Variants in PDGFRB observed in about 807,000 individuals in gnomAD.
PDGFRB encodes the protein platelet derived growth factor receptor beta.
A neutral mutation model predicts 120.2 loss-of-function variants in PDGFRB; 42 were observed. The ratio of observed to expected loss-of-function variants is 0.35; its 90% CI spans 0.27 to 0.45. The LOEUF (loss-of-function observed/expected upper bound fraction) is 0.45. Among genes scored for constraint, PDGFRB ranks in the 20% least tolerant of loss-of-function variants. The probability of loss-of-function intolerance (pLI) is 1.00; values close to 1 mark genes in which losing one functional copy is unlikely to be tolerated. For synonymous variants in PDGFRB, 586 were observed against 606.8 expected (o/e 0.97, Z 0.50); for missense variants, 1,149 against 1,476.3 (o/e 0.78, Z 3.63).
At chr5:150,148,171 A>G (rs1032767149) in intron 1 of PDGFRB, among the ~76,000 whole-genome samples, 1 of 152,232 alleles carries the variant, frequency 6.6e-6, no homozygotes, top group African/African-American at 2.4e-5. Context: ...GGCCAGACCC[A>G]TCTAATCACC....
At chr5:150,135,942 C>A (rs1050474452) in intron 2 of PDGFRB, 64 bp from the exon 3 acceptor site, 1 of 1,240,668 alleles carries the variant, frequency 8.1e-7, no homozygotes, top group Non-Finnish European at 1.1e-6. Flanking sequence ...CAAGGCTGAG[C>A]CTGCGAGGAG....
In PDGFRB at chr5:150,120,279, A is replaced by G; in HGVS notation, c.2587-156T>C. ...CTGGTCTCTGCGCAGCACAGTTCCC[A>G]TGTCCATCCCAGGGCTGGTCAGAGG... is the stretch of plus-strand genomic sequence containing the variant. On this transcript the variant is annotated intron_variant, in intron 18 of 22. Transcript: ENST00000261799. This position sits in a 1 kb window ranked among gnomAD's most constrained non-coding sequence, Gnocchi z 4.3. Among the ~76,000 whole-genome samples the G allele has an allele frequency of 6.6e-6, 1 of 152,094 alleles. No individual in the cohort carries two copies. Among genetic ancestry groups the G allele is most frequent in the East Asian group, 1.9e-4 (1 of 5,184 alleles).
chr5:150,151,204 A>G (rs982692915), intron 1 of PDGFRB, among the ~76,000 whole-genome samples: 4 of 152,202 alleles, frequency 2.6e-5, no homozygotes, highest in African/African-American at 9.6e-5. Flanking sequence ...GCAGCTGCCA[A>G]TCTGGGCTGG....
rs895002767 is a variant in PDGFRB, at chr5:150,132,722, G to A, written c.1127+28C>T. Reference sequence around the variant, plus strand: ...CGGCTGCAAAGAAAAATAACTTCAAGAATGGGATGGGAGAGCGAGCTGCTC... The same window carrying A: ...CGGCTGCAAAGAAAAATAACTTCAAAAATGGGATGGGAGAGCGAGCTGCTC... On this transcript the variant is annotated intron_variant, in intron 7 of 22. Transcript: ENST00000261799. This position sits in a 1 kb window ranked among gnomAD's most constrained non-coding sequence, Gnocchi z 5.0. 14 of 1,596,116 alleles carry A rather than the reference G, an allele frequency of 8.8e-6. No individual in the cohort carries two copies. The African/African-American group carries it at 1.6e-4, about 18-fold the overall frequency.
rs753622898 is a variant in PDGFRB, at chr5:150,123,167, G to A, written c.2058C>T (p.Tyr686=). The change falls in exon 15 of 23, where the codon TAC becomes TAT. Residue 686 remains tyrosine (Y), a synonymous_variant. Transcript: ENST00000261799. The stretch of plus-strand genomic sequence containing the variant: ...GGTGCAGGTAGTCCACCAGGTCTCC[G>A]TAGCGGCAGTACTCAGTGATGATAT... ...PIYIITEYCR[Y]GDLVDYLHRN... 3.9e-5 allele frequency: 63 copies of A among 1,613,684 alleles called. No homozygotes were observed. Among genetic ancestry groups the A allele is most frequent in the Admixed American group, 3.2e-4 (19 of 60,030 alleles).
At chr5:150,147,771 T>C (rs950017375) in intron 1 of PDGFRB, among the ~76,000 whole-genome samples, 2 of 152,132 alleles carry the variant, frequency 1.3e-5, no homozygotes, top group African/African-American at 2.4e-5. Flanking sequence ...GTGCCTCAGT[T>C]TTCTCATCTG....
intron 19 of PDGFRB, among the ~76,000 whole-genome samples, 183 bp from the exon 20 acceptor site, chr5:150,119,749 T>C (rs1004889573): frequency 6.6e-6 from 1 of 152,182 alleles, no homozygotes; most frequent in African/African-American, 2.4e-5. Flanking sequence ...CTCCCCAGGA[T>C]AGACAGCCAG....
At chr5:150,115,974 G>T in intron 22 of PDGFRB, 28 bp from the exon 23 acceptor site, 2 of 1,544,994 alleles carry the variant, frequency 1.3e-6, no homozygotes, top group Non-Finnish European at 1.7e-6. Context: ...TGAGTGAGGG[G>T]CTAGGAAGGA....
Position 150,126,614 on chromosome 5 carries a change from G to T in PDGFRB, c.1580C>A (p.Ser527Tyr), listed in dbSNP as rs1760301948. The change falls in exon 11 of 23, where the codon TCC (serine) becomes TAC (tyrosine). Residue 527 changes from serine (S) to tyrosine (Y), a missense_variant and splice_region_variant. Coordinates refer to ENST00000261799, the MANE Select transcript of PDGFRB (RefSeq NM_002609.4). ...DTQEVIVVPH[S>Y]LPFKVVVISA... The stretch of plus-strand genomic sequence containing the variant: ...GATCACCACCACCTTAAAGGGCAAG[G>T]CTGGAGGCAGAGATGAGAGCAGGCC... 1 of 1,580,134 alleles carries T rather than the reference G, an allele frequency of 6.3e-7. No homozygotes were observed.
chr5:150,126,758 C>G (rs1308770989), intron 10 of PDGFRB, 144 bp from the exon 11 acceptor site: 2 of 663,766 alleles, frequency 3.0e-6, no homozygotes, highest in African/African-American at 3.6e-5. Flanking sequence ...GTGTCAGACC[C>G]TCAGCATCTC....
intron 14 of PDGFRB, 21 bp from the exon 15 acceptor site, chr5:150,123,222 G>C: frequency 1.2e-6 from 2 of 1,604,240 alleles, no homozygotes. Context: ...ACAGGCTCAG[G>C]GACAGTCCCT....
rs61746319 is a variant in PDGFRB, at chr5:150,132,905, T to C, written c.972A>G (p.Thr324=). Residue 324 remains threonine, a synonymous_variant, in exon 7 of 23, where the codon ACA becomes ACG. Coordinates refer to ENST00000261799, the MANE Select transcript of PDGFRB (RefSeq NM_002609.4). This position sits in a 1 kb window ranked among gnomAD's most constrained non-coding sequence, Gnocchi z 5.0. ...GYVRLLGEVG[T]LQFAELHRSR... Reference sequence around the variant, plus strand: ...TCCGATGCAGCTCAGCAAATTGTAGTGTGCCCACCTCTCCCAGGAGCCGCA... The same window carrying C: ...TCCGATGCAGCTCAGCAAATTGTAGCGTGCCCACCTCTCCCAGGAGCCGCA... The C allele has an allele frequency of 2.5e-6, 4 of 1,582,084 alleles. No individual in the cohort carries two copies. Among genetic ancestry groups the C allele is most frequent in the East Asian group, 2.3e-5 (1 of 43,394 alleles).
intron 1 of PDGFRB, among the ~76,000 whole-genome samples, chr5:150,148,106 G>A (rs1363649310): frequency 6.6e-6 from 1 of 152,192 alleles, no homozygotes; most frequent in African/African-American, 2.4e-5. Flanking sequence ...GTGTCCTGAG[G>A]CTCAGTGAGG....
In PDGFRB at chr5:150,121,908, C is replaced by T; in HGVS notation, c.2316G>A (p.Met772Ile). 1.9e-6 allele frequency: 3 copies of T among 1,613,638 alleles called. No homozygotes were observed. The highest frequency in any genetic ancestry group is 2.5e-6 in the Non-Finnish European group (3 of 1,179,576). The stretch of plus-strand genomic sequence containing the variant: ...AGGGAACGTAGTTATCGTAAGGGGC[C>T]ATGTAGTTGGAGGACTCGATGTCTG... ...KYADIESSNY[M>I]APYDNYVPSA... The change falls in exon 16 of 23, where the codon ATG becomes ATA. Residue 772 changes from methionine (M) to isoleucine (I), a missense_variant. By Grantham distance (10) the Met-to-Ile change is conservative. This residue lies in a region of PDGFRB where 879 missense variants were observed against 1,108.6 expected (regional missense o/e 0.79). Transcript: ENST00000261799. The surrounding 1 kb of genome is among the most constrained non-coding windows in gnomAD (Gnocchi z 4.1).
At chr5:150,129,326 A>G (rs1760385568) in intron 10 of PDGFRB, among the ~76,000 whole-genome samples, 2 of 152,070 alleles carry the variant, frequency 1.3e-5, no homozygotes, top group Non-Finnish European at 2.9e-5. Flanking sequence ...TGGTGGGTTT[A>G]CATACATGGA....
Position 150,117,530 on chromosome 5 carries a change from G to GCA in PDGFRB, c.3137+87_3137+88insTG, listed in dbSNP as rs1759978937. On this transcript the variant is annotated intron_variant, in intron 22 of 22. Transcript: ENST00000261799. ...TTACCTCTGAGGCAAACCTGGCAGC[G>GCA]CGCGCGCGCGCGCGCACACACACAC... 36 of 559,750 alleles carry GCA rather than the reference G, an allele frequency of 6.4e-5. No homozygotes were observed. The African/African-American group carries it at 8.8e-4, about 14-fold the overall frequency. The allele number at this position is 559,750 out of a possible 1,614,324, so 34.7% of individuals were successfully genotyped here. A position where few individuals can be genotyped will look rare whatever the true frequency, so the allele number is the denominator to read the frequency against.
In PDGFRB at chr5:150,117,770, G is replaced by C. The variant is rs2113884111; in HGVS notation, c.2985C>G (p.Phe995Leu). 1 of 1,613,864 alleles carries C rather than the reference G, an allele frequency of 6.2e-7. No homozygotes were observed. Among genetic ancestry groups the C allele is most frequent in the Non-Finnish European group, 8.5e-7 (1 of 1,179,840 alleles). The change falls in exon 22 of 23, where the codon TTC (phenylalanine) becomes TTG (leucine). Residue 995 changes from phenylalanine to leucine, a missense_variant. Transcript: ENST00000261799. ...ILRSQARLPG[F>L]HGLRSPLDTS... ...TGTCCAGGGGAGATCGGAGGCCATG[G>C]AACCCAGGCAAGCGGGCCTGGGACC...
chr5:150,151,513 C>T (rs990552444), intron 1 of PDGFRB, among the ~76,000 whole-genome samples: 4 of 152,226 alleles, frequency 2.6e-5, no homozygotes, highest in Non-Finnish European at 4.4e-5. Flanking sequence ...CCGCCACTTC[C>T]GAGCTGTGGG....
At chr5:150,144,595 C>A (rs1053695396) in intron 1 of PDGFRB, among the ~76,000 whole-genome samples, 1 of 152,270 alleles carries the variant, frequency 6.6e-6, no homozygotes, top group Non-Finnish European at 1.5e-5. Context: ...GCAGCAAACA[C>A]CCCCTCACCC....
Sources: allele counts gnomAD v4.1 joint callset (sites outside exome capture counted in the v4.1 genomes callset), GRCh38; gene constraint gnomAD v4.1.1; regional missense constraint gnomAD v4.1.1; non-coding constraint Gnocchi (gnomAD v3.1); transcripts MANE v1.5; gene names NCBI Gene and HGNC (gene_info 2026-07-23, HGNC 2026-07-21).